CNTNAP2: variants seen among roughly 807,000 people sequenced by gnomAD.
CNTNAP2 encodes the protein contactin associated protein 2.
Under a neutral mutation model 155.2 loss-of-function variants are expected in CNTNAP2, and 98 were observed. The ratio of observed to expected loss-of-function variants is 0.63; its 90% CI spans 0.54 to 0.75. CNTNAP2 has a LOEUF of 0.75. Among genes scored for constraint, CNTNAP2 ranks in the 30% least tolerant of loss-of-function variants. The pLI, the probability that CNTNAP2 is intolerant of heterozygous loss-of-function variation, is 0.00. For synonymous variants in CNTNAP2, 651 were observed against 631.2 expected, an observed-to-expected ratio of 1.03 and a Z score of -0.47; for missense variants, 1,727 against 1,688.1, an observed-to-expected ratio of 1.02 and a Z score of -0.40.
chr7:147,446,119 C>G (rs967010289), intron 10 of CNTNAP2, among the ~76,000 whole-genome samples: 16 of 136,330 alleles, frequency 1.2e-4, no homozygotes, highest in Non-Finnish European at 1.8e-4. Context: ...CTCTTTGTTT[C>G]TTTCTTTTTT....
chr7:148,214,767 C>T (rs1469119892), intron 18 of CNTNAP2, among the ~76,000 whole-genome samples: 1 of 152,132 alleles, frequency 6.6e-6, no homozygotes, highest in Non-Finnish European at 1.5e-5. Flanking sequence ...GACGGGGTTT[C>T]ACCGTGTTGG....
chr7:148,133,788 C>G (rs539636302), intron 16 of CNTNAP2: 2 of 152,224 alleles, frequency 1.3e-5, no homozygotes, highest in South Asian at 2.1e-4. Context: ...GGAAAGAAAC[C>G]TTCTGTGAAT....
Position 146,523,403 on chromosome 7 carries a change from C to A in CNTNAP2, c.98-250868C>A, listed in dbSNP as rs1384996625. Among the ~76,000 whole-genome samples the A allele has an allele frequency of 2.0e-5, 3 of 151,834 alleles. 1 individual carries two copies. The South Asian group carries it at 6.3e-4, about 32-fold the overall frequency. On this transcript the variant is annotated intron_variant, in intron 1 of 23. Transcript: ENST00000361727. ...AATTTTTCTCCCTGGATCCAATATC[C>A]CCTTATTGTATAAAAGAGTGTCCAT...
intron 10 of CNTNAP2, among the ~76,000 whole-genome samples, chr7:147,455,969 A>G (rs548993033): frequency 6.6e-6 from 1 of 152,286 alleles, no homozygotes; most frequent in Non-Finnish European, 1.5e-5. Context: ...ACAAAATTCA[A>G]TACTAGTAAT....
At chr7:147,376,462 G>T (rs10500181) in intron 9 of CNTNAP2, among the ~76,000 whole-genome samples, 24,839 of 151,920 alleles carry the variant, frequency 0.16, 2,304 homozygotes, top group East Asian at 0.35. Flanking sequence ...TGAACACTCT[G>T]TTATCAGGTA....
At chr7:147,178,657 T>G (rs1406298359) in intron 8 of CNTNAP2, among the ~76,000 whole-genome samples, 1 of 152,160 alleles carries the variant, frequency 6.6e-6, no homozygotes, top group Non-Finnish European at 1.5e-5. Context: ...CCTGATTTTC[T>G]CATTAGTGCA....
intron 13 of CNTNAP2, among the ~76,000 whole-genome samples, chr7:147,889,549 A>G (rs1799653082): frequency 6.6e-6 from 1 of 152,196 alleles, no homozygotes; most frequent in African/African-American, 2.4e-5. Context: ...AAAAATTTCC[A>G]AATTACTGAA....
In CNTNAP2 at chr7:148,383,866, G is replaced by GCACCTGGAT; in HGVS notation, c.3703_3711dup (p.His1235_Asp1237dup). On this transcript the variant is annotated inframe_insertion, in exon 22 of 24. Transcript: ENST00000361727. Reference sequence around the variant, plus strand: ...CCATGTCGTCCGCCACCGACCCCTGGCACCTGGATCACCTGGATTCAGGTA... The same window carrying GCACCTGGAT: ...CCATGTCGTCCGCCACCGACCCCTGGCACCTGGATCACCTGGATCACCTGGATTCAGGTA... 6.2e-7 allele frequency: 1 copy of GCACCTGGAT among 1,613,830 alleles called. No homozygotes were observed. Among genetic ancestry groups the GCACCTGGAT allele is most frequent in the Non-Finnish European group, 8.5e-7 (1 of 1,179,990 alleles).
At chr7:146,276,511 A>T (rs1164786689) in intron 1 of CNTNAP2, among the ~76,000 whole-genome samples, 2 of 151,450 alleles carry the variant, frequency 1.3e-5, no homozygotes, top group South Asian at 2.1e-4. Flanking sequence ...AACGTATAAC[A>T]TATACAAAGC....
intron 1 of CNTNAP2, among the ~76,000 whole-genome samples, chr7:146,347,393 C>T (rs1162361803): frequency 6.6e-6 from 1 of 152,138 alleles, no homozygotes; most frequent in Non-Finnish European, 1.5e-5. Flanking sequence ...AGACCAGAAT[C>T]ATAGGTTACT....
chr7:147,633,365 A>G (rs28795106), intron 12 of CNTNAP2, among the ~76,000 whole-genome samples: 13,680 of 152,248 alleles, frequency 0.09, 1,707 homozygotes, highest in African/African-American at 0.26. Context: ...TACAGGGGTC[A>G]AGCTCTCATA....
chr7:146,893,449 A>G (rs1001222880), intron 3 of CNTNAP2, among the ~76,000 whole-genome samples: 2 of 144,170 alleles, frequency 1.4e-5, no homozygotes, highest in African/African-American at 2.7e-5. Flanking sequence ...GTATGTATAT[A>G]TGTGTGTGTG....
chr7:146,635,645 CT>C (rs1799585246), intron 1 of CNTNAP2, among the ~76,000 whole-genome samples: 1 of 152,066 alleles, frequency 6.6e-6, no homozygotes, highest in Non-Finnish European at 1.5e-5. Context: ...CTGTAAGAGG[CT>C]TTTGTCTGTT....
At position 147,272,664 on chromosome 7, in the gene CNTNAP2, A is replaced by ATTTTTTT. The variant is rs71182188; in HGVS notation, c.1349-27467_1349-27461dup. Among the ~76,000 whole-genome samples the ATTTTTTT allele has an allele frequency of 3.7e-4, 51 of 138,958 alleles. 1 individual carries two copies. Among genetic ancestry groups the ATTTTTTT allele is most frequent in the Admixed American group, 1.3e-3 (18 of 14,052 alleles). 91.2% of individuals were successfully genotyped at this position (138,958 alleles called of 152,430 possible). On this transcript the variant is annotated intron_variant, in intron 8 of 23. Coordinates refer to ENST00000361727, the MANE Select transcript of CNTNAP2 (RefSeq NM_014141.6). ...CAGGCGCCGCCACCACGCCCGGCTA[A>ATTTTTTT]TTTTTTTTTTTTTTTTGTATTTGTA...
At chr7:146,314,078 A>G (rs768346866) in intron 1 of CNTNAP2, among the ~76,000 whole-genome samples, 14 of 152,188 alleles carry the variant, frequency 9.2e-5, no homozygotes, top group Non-Finnish European at 1.9e-4. Context: ...TCTTCTGAAT[A>G]TGAATATTCG....
intron 1 of CNTNAP2, among the ~76,000 whole-genome samples, chr7:146,185,981 C>T (rs1272999251): frequency 6.6e-6 from 1 of 151,948 alleles, no homozygotes; most frequent in Non-Finnish European, 1.5e-5. Flanking sequence ...TGTAATGTAT[C>T]ATACCGAGAG....
chr7:146,421,377 TTAAC>T (rs1796010077), intron 1 of CNTNAP2, among the ~76,000 whole-genome samples: 1 of 152,006 alleles, frequency 6.6e-6, no homozygotes, highest in Non-Finnish European at 1.5e-5. Flanking sequence ...TGGCTCTTGC[TTAAC>T]TAACTTCTAA....
chr7:147,712,656 A>C (rs551457790), intron 13 of CNTNAP2, among the ~76,000 whole-genome samples: 1 of 152,262 alleles, frequency 6.6e-6, no homozygotes, highest in African/African-American at 2.4e-5. Flanking sequence ...AAAAAACCAA[A>C]CACCGCATGT....
At chr7:148,188,814 C>A (rs1795160996) in intron 18 of CNTNAP2, among the ~76,000 whole-genome samples, 1 of 152,150 alleles carries the variant, frequency 6.6e-6, no homozygotes, top group Admixed American at 6.5e-5. Context: ...CCCTTGAAAC[C>A]ACTTGGTCTT....
Sources: allele counts gnomAD v4.1 joint callset (sites outside exome capture counted in the v4.1 genomes callset), GRCh38; gene constraint gnomAD v4.1.1; transcripts MANE v1.5; gene names NCBI Gene and HGNC (gene_info 2026-07-23, HGNC 2026-07-21).